Variants in PDK1 observed in about 807,000 individuals in gnomAD.
The protein encoded by PDK1 is [Pyruvate dehydrogenase (acetyl-transferring)] kinase isozyme 1, mitochondrial.
In PDK1, 39 loss-of-function variants were observed where a neutral mutation model predicts 54.2. That is an observed-to-expected ratio of 0.72 (90% CI 0.56 to 0.94). The LOEUF is 0.94. Among genes scored for constraint, PDK1 ranks in the 40% least tolerant of loss-of-function variants. The probability of loss-of-function intolerance (pLI) is 0.00; values close to 1 mark genes in which losing one functional copy is unlikely to be tolerated. For missense variants in PDK1, 552 were observed against 566.0 expected (o/e 0.98, Z 0.25); for synonymous variants, 221 against 207.1 (o/e 1.07, Z -0.58).
chr2:172,557,656 TA>T (rs1553476262), intron 1 of PDK1, among the ~76,000 whole-genome samples: 3 of 150,768 alleles, frequency 2.0e-5, no homozygotes, highest in African/African-American at 4.9e-5. Flanking sequence ...TATTTTTTTT[TA>T]AAAATAGAAA....
chr2:172,723,073 C>G, the PDK1 span: 1 of 151,898 alleles, frequency 6.6e-6, no homozygotes, highest in Non-Finnish European at 1.5e-5. Context: ...TTCTGATGAA[C>G]CGATGAACTC....
chr2:172,722,042 A>C, the PDK1 span, among the ~76,000 whole-genome samples: 1 of 152,244 alleles, frequency 6.6e-6, no homozygotes, highest in Non-Finnish European at 1.5e-5. Flanking sequence ...TGCAGAATTG[A>C]TGTGAGCCAC....
chr2:172,700,716 T>G, the PDK1 span, among the ~76,000 whole-genome samples: 1 of 152,170 alleles, frequency 6.6e-6, no homozygotes, highest in South Asian at 2.1e-4. Flanking sequence ...TGGGCAACAT[T>G]GAGCACTGAG....
In PDK1 at chr2:172,586,355, A is replaced by G; in HGVS notation, c.1023A>G (p.Arg341=). ...LFNYMYSTAP[R]PRVETSRAVP... Reference sequence around the variant, plus strand: ...ACTACATGTATTCAACTGCACCAAGACCTCGTGTTGAGACCTCCCGCGCAG... The same window carrying G: ...ACTACATGTATTCAACTGCACCAAGGCCTCGTGTTGAGACCTCCCGCGCAG... The change falls in exon 9 of 11, where the codon AGA becomes AGG. Residue 341 remains arginine, a synonymous_variant. Coordinates refer to ENST00000282077, the MANE Select transcript of PDK1 (RefSeq NM_002610.5). 6.2e-7 allele frequency: 1 copy of G among 1,612,300 alleles called. No individual in the cohort carries two copies. Among genetic ancestry groups the G allele is most frequent in the Non-Finnish European group, 8.5e-7 (1 of 1,178,608 alleles).
the PDK1 span, among the ~76,000 whole-genome samples, chr2:172,648,748 C>G: frequency 2.6e-5 from 4 of 152,200 alleles, no homozygotes; most frequent in Admixed American, 2.0e-4. Flanking sequence ...GCACAGCAGT[C>G]TGAGATTGAA....
intron 9 of PDK1, 113 bp from the exon 10 acceptor site, chr2:172,592,820 ATC>A (rs1439063459): frequency 3.8e-6 from 2 of 529,880 alleles, no homozygotes; most frequent in Non-Finnish European, 6.9e-6. Flanking sequence ...AATATAATGC[ATC>A]TCTCAGATGC....
the PDK1 span, among the ~76,000 whole-genome samples, chr2:172,696,537 C>T: frequency 1.3e-3 from 198 of 152,230 alleles, 2 homozygotes; most frequent in African/African-American, 4.6e-3. Flanking sequence ...CTCTCATAAT[C>T]TGAGAAGTTG....
At chr2:172,556,374 T>C in intron 1 of PDK1, 28 bp downstream of exon 1, 1 of 1,386,204 alleles carries the variant, frequency 7.2e-7, no homozygotes, top group South Asian at 1.7e-5. Context: ...CCTTGGGCCT[T>C]TTTGCGCGGT....
In PDK1 at chr2:172,582,776, C is replaced by T. The variant is rs184072560; in HGVS notation, c.946-3502C>T. Among the ~76,000 whole-genome samples, 37 of 152,298 alleles carry T rather than the reference C, an allele frequency of 2.4e-4. No homozygotes were observed. In the East Asian group the frequency reaches 5.6e-3, roughly 23 times the overall value. On this transcript the variant is annotated intron_variant, in intron 8 of 10. Coordinates refer to ENST00000282077, the MANE Select transcript of PDK1 (RefSeq NM_002610.5). ...TTTTGCCTACTTTAAAATCCACTGG[C>T]TCCAGTTTATTGTATTGTTGGCTGC...
chr2:172,583,965 G>T (rs1199567376), intron 8 of PDK1, among the ~76,000 whole-genome samples: 2 of 152,128 alleles, frequency 1.3e-5, no homozygotes, highest in Non-Finnish European at 2.9e-5. Context: ...TAGAATATAA[G>T]CTGGATAGTA....
chr2:172,702,146 T>C, the PDK1 span, among the ~76,000 whole-genome samples: 2 of 152,200 alleles, frequency 1.3e-5, no homozygotes, highest in Non-Finnish European at 2.9e-5. Context: ...AATTCACCTC[T>C]GTTCCTAGGG....
the PDK1 span, among the ~76,000 whole-genome samples, chr2:172,687,784 G>A: frequency 1.3e-5 from 2 of 152,164 alleles, no homozygotes. Context: ...CTCTCTGCCT[G>A]CATTGTGTAA....
chr2:172,689,708 C>A, the PDK1 span, among the ~76,000 whole-genome samples: 1 of 152,094 alleles, frequency 6.6e-6, no homozygotes, highest in Non-Finnish European at 1.5e-5. Flanking sequence ...CATCTACAAC[C>A]CTCTGATCTT....
In PDK1 at chr2:172,582,071, CCTGA is replaced by C. The variant is rs1334881392; in HGVS notation, c.946-4204_946-4201del. Among the ~76,000 whole-genome samples, 10 of 152,180 alleles carry C rather than the reference CCTGA, an allele frequency of 6.6e-5. No individual in the cohort carries two copies. In the South Asian group the frequency reaches 1.2e-3, roughly 19 times the overall value. ...GGGATTACAGGCACGCACCACCATA[CCTGA>C]CTAATTTTTGTATTTTTAGTAGAGA... On this transcript the variant is annotated intron_variant, in intron 8 of 10. Transcript: ENST00000282077.
chr2:172,621,454 T>C, the PDK1 span, among the ~76,000 whole-genome samples: 1 of 151,696 alleles, frequency 6.6e-6, no homozygotes, highest in Non-Finnish European at 1.5e-5. Context: ...GGACTGGCTT[T>C]CCTTGCCCCT....
the PDK1 span, chr2:172,691,491 A>G: frequency 7.3e-6 from 1 of 136,808 alleles, no homozygotes; most frequent in African/African-American, 2.5e-5. Context: ...ACAAATGTAT[A>G]ATGGCATGTA....
chr2:172,669,456 T>C, the PDK1 span, among the ~76,000 whole-genome samples: 1 of 152,238 alleles, frequency 6.6e-6, no homozygotes, highest in Non-Finnish European at 1.5e-5. Context: ...GTGTCTTAGC[T>C]ATTGTAAAAA....
the PDK1 span, among the ~76,000 whole-genome samples, chr2:172,661,910 C>T: frequency 6.6e-6 from 1 of 152,184 alleles, no homozygotes; most frequent in Non-Finnish European, 1.5e-5. Context: ...CATCAGGCAA[C>T]ATGCCCATGT....
chr2:172,564,941 T>C (rs1688855562), intron 4 of PDK1, 37 bp from the exon 5 acceptor site: 3 of 1,363,944 alleles, frequency 2.2e-6, no homozygotes, highest in Admixed American at 1.7e-5. Context: ...ATTAGGTGGT[T>C]TAGCTTATTT....
Sources: allele counts gnomAD v4.1 joint callset (sites outside exome capture counted in the v4.1 genomes callset), GRCh38; gene constraint gnomAD v4.1.1; transcripts MANE v1.5; gene names NCBI Gene and HGNC (gene_info 2026-07-23, HGNC 2026-07-21).